Variants in FUNDC2 observed in about 807,000 individuals in gnomAD.
The protein encoded by FUNDC2 is FUN14 domain containing 2.
FUNDC2 carries 4 observed loss-of-function variants against 15.6 expected under a neutral mutation model. The ratio of observed to expected loss-of-function variants is 0.26; its 90% CI spans 0.13 to 0.59. The LOEUF (loss-of-function observed/expected upper bound fraction) is 0.59, where lower values mean the gene tolerates loss of function less well. Ranked by LOEUF, FUNDC2 falls within the 20% of genes least tolerant of loss-of-function variation. FUNDC2 has a pLI of 0.90. For missense variants in FUNDC2, 98 were observed against 149.7 expected, an observed-to-expected ratio of 0.65 and a Z score of 1.80; for synonymous variants, 44 against 56.9, an observed-to-expected ratio of 0.77 and a Z score of 1.02.
At chrX:155,031,770 G>C (rs1227889277) in intron 1 of FUNDC2, among the ~76,000 whole-genome samples, 2 of 112,246 alleles carry the variant, frequency 1.8e-5, no homozygotes, top group Non-Finnish European at 3.8e-5. Flanking sequence ...TTGATCATTT[G>C]AGGTCAATTT....
At chrX:155,034,034 A>G (rs782667070) in intron 2 of FUNDC2, among the ~76,000 whole-genome samples, 1 of 112,709 alleles carries the variant, frequency 8.9e-6, no homozygotes, top group South Asian at 3.6e-4. Flanking sequence ...GACTCTTTAC[A>G]TTTGAAAAAT....
chrX:155,038,576 T>A (rs2073838606), intron 2 of FUNDC2, among the ~76,000 whole-genome samples: 1 of 112,194 alleles, frequency 8.9e-6, no homozygotes, highest in Non-Finnish European at 1.9e-5. Flanking sequence ...TGACTTTTTT[T>A]AGATTCCACA....
At position 155,058,841 on chromosome X, in the gene FUNDC2, G is replaced by C. The variant is rs958725094; in HGVS notation, c.*4169G>C. ...TAATACTTTTTTTTTTAAAAGAAAA[G>C]TGTCGCACTTTTTCACATTTTTATA... On this transcript the variant is annotated 3_prime_UTR_variant, in exon 5 of 5. Coordinates refer to ENST00000369498, the MANE Select transcript of FUNDC2 (RefSeq NM_023934.4). 3.6e-5 allele frequency: 4 copies of C among 110,685 alleles called. No individual in the cohort carries two copies. Among genetic ancestry groups the C allele is most frequent in the African/African-American group, 1.3e-4 (4 of 30,404 alleles). The allele number at this position is 110,685 out of a possible 1,213,427, so 9.1% of individuals were successfully genotyped here.
chrX:155,049,190 C>T (rs2073872837), intron 3 of FUNDC2: 1 of 112,825 alleles, frequency 8.9e-6, no homozygotes, highest in African/African-American at 3.2e-5. Context: ...GGATGTTGAG[C>T]TTTGTCAGTA....
rs782392274 is a variant in FUNDC2, at chrX:155,058,712, T to C, written c.*4040T>C. The C allele has an allele frequency of 1.8e-5, 2 of 111,039 alleles. No individual in the cohort carries two copies. Among genetic ancestry groups the C allele is most frequent in the South Asian group, 3.8e-4 (1 of 2,602 alleles). 9.2% of individuals were successfully genotyped at this position (111,039 alleles called of 1,213,427 possible). Reference sequence around the variant, plus strand: ...AGAGGTCACACTAACATCTGAGTAATTGGGCAGAAAACCTATTTTAGTTCT... The same window carrying C: ...AGAGGTCACACTAACATCTGAGTAACTGGGCAGAAAACCTATTTTAGTTCT... On this transcript the variant is annotated 3_prime_UTR_variant, in exon 5 of 5. Transcript: ENST00000369498.
At chrX:155,028,563 C>T (rs1389527982) in intron 1 of FUNDC2, among the ~76,000 whole-genome samples, 1 of 112,135 alleles carries the variant, frequency 8.9e-6, no homozygotes, top group Non-Finnish European at 1.9e-5. Flanking sequence ...GCTAAATGGG[C>T]GTCTGTGATG....
intron 1 of FUNDC2, among the ~76,000 whole-genome samples, chrX:155,032,134 C>T (rs1007653569): frequency 9.1e-5 from 10 of 110,278 alleles, no homozygotes; most frequent in Non-Finnish European, 1.7e-4. Flanking sequence ...TGCCACCATG[C>T]CCAGCTAATT....
rs1224979432 is a variant in FUNDC2 at position 155,059,090 on chromosome X, G to C, written c.*4418G>C. ...CATCCTGAGGTTTTAAAGTGTCTTA[G>C]CTTTTTCTAATGAGCAGCAGAGACT... On this transcript the variant is annotated 3_prime_UTR_variant, in exon 5 of 5. Coordinates refer to ENST00000369498, the MANE Select transcript of FUNDC2 (RefSeq NM_023934.4). 4 of 111,916 alleles carry C rather than the reference G, an allele frequency of 3.6e-5. No homozygotes were observed. The highest frequency in any genetic ancestry group is 1.3e-4 in the African/African-American group (4 of 30,716). 9.2% of individuals were successfully genotyped at this position (111,916 alleles called of 1,213,427 possible).
chrX:155,042,502 G>T, intron 2 of FUNDC2, among the ~76,000 whole-genome samples: 1 of 110,501 alleles, frequency 9.0e-6, no homozygotes. Context: ...TGTTTCTTTT[G>T]CTTAGATTTC....
chrX:155,048,013 A>G (rs2073868297), intron 3 of FUNDC2, among the ~76,000 whole-genome samples: 2 of 111,081 alleles, frequency 1.8e-5, no homozygotes, highest in South Asian at 7.7e-4. Context: ...TAACATCTCT[A>G]TCCCTGTGGT....
chrX:155,029,238 C>T (rs2073806538), intron 1 of FUNDC2, among the ~76,000 whole-genome samples: 1 of 111,958 alleles, frequency 8.9e-6, no homozygotes, highest in Admixed American at 9.5e-5. Context: ...GTCTTCAGAC[C>T]CAGCCTGTAA....
chrX:155,041,991 C>T (rs782050408), intron 2 of FUNDC2, among the ~76,000 whole-genome samples: 28 of 104,038 alleles, frequency 2.7e-4, no homozygotes, highest in African/African-American at 9.9e-4. Context: ...ATGGCGTGAA[C>T]CCGGGAGGCA....
At chrX:155,046,621 C>T in intron 3 of FUNDC2, 37 bp downstream of exon 3, 1 of 1,062,912 alleles carries the variant, frequency 9.4e-7, no homozygotes, top group Non-Finnish European at 1.3e-6. Context: ...TTTGGAAATT[C>T]CACCTGCCCA....
rs2073898752 is a variant in FUNDC2, at chrX:155,056,564, A to G, written c.*1892A>G. 1 of 107,386 alleles carries G rather than the reference A, an allele frequency of 9.3e-6. No homozygotes were observed. Among genetic ancestry groups the G allele is most frequent in the African/African-American group, 3.4e-5 (1 of 29,163 alleles). The allele number at this position is 107,386 out of a possible 1,213,427, so 8.8% of individuals were successfully genotyped here. ...TTGCTATATATTTATATCTCTATATATATTGATATAGACATATGTAGTGAC... is the reference window on the plus strand; with the variant it reads ...TTGCTATATATTTATATCTCTATATGTATTGATATAGACATATGTAGTGAC... On this transcript the variant is annotated 3_prime_UTR_variant, in exon 5 of 5. Coordinates refer to ENST00000369498, the MANE Select transcript of FUNDC2 (RefSeq NM_023934.4).
rs1159749792 is a variant in FUNDC2 at position 155,056,516 on chromosome X, C to G, written c.*1844C>G. The G allele has an allele frequency of 4.2e-5, 4 of 95,036 alleles. No individual in the cohort carries two copies. The highest frequency in any genetic ancestry group is 8.2e-5 in the Non-Finnish European group (4 of 48,686). The allele number at this position is 95,036 out of a possible 1,213,427, so 7.8% of individuals were successfully genotyped here. On this transcript the variant is annotated 3_prime_UTR_variant, in exon 5 of 5. Coordinates refer to ENST00000369498, the MANE Select transcript of FUNDC2 (RefSeq NM_023934.4). The stretch of plus-strand genomic sequence containing the variant: ...GATAAGTCTCTTAACCTTATAGATC[C>G]TCCTCTATTTTTTTTTTTTTGCTTG...
rs184093304 is a variant in FUNDC2, at chrX:155,030,077, C to T, written c.133+3006C>T. Reference sequence around the variant, plus strand: ...ATTCAAATGACTTTTTAATATTGGTCTTATAATGTGTGACCTTGCTTCTGG... The same window carrying T: ...ATTCAAATGACTTTTTAATATTGGTTTTATAATGTGTGACCTTGCTTCTGG... On this transcript the variant is annotated intron_variant, in intron 1 of 4. Transcript: ENST00000369498. 5.2e-3 allele frequency among the ~76,000 whole-genome samples: 576 copies of T among 111,383 alleles called. 4 individuals are homozygous for T. The highest frequency in any genetic ancestry group is 9.2e-3 in the Non-Finnish European group (490 of 53,015).
chrX:155,038,884 T>C (rs2073839618), intron 2 of FUNDC2, among the ~76,000 whole-genome samples: 1 of 112,361 alleles, frequency 8.9e-6, no homozygotes, highest in Admixed American at 9.4e-5. Context: ...CTGAATCATA[T>C]GTTATTAGTT....
At chrX:155,045,927 C>T (rs782218071) in intron 2 of FUNDC2, among the ~76,000 whole-genome samples, 7 of 110,995 alleles carry the variant, frequency 6.3e-5, no homozygotes, top group Non-Finnish European at 1.1e-4. Flanking sequence ...GATGTTGCCA[C>T]TCAGATATCA....
intron 3 of FUNDC2, chrX:155,049,471 ACT>A (rs1384386423): frequency 8.9e-6 from 1 of 112,976 alleles, no homozygotes; most frequent in African/African-American, 3.2e-5. Flanking sequence ...AGTATGACAC[ACT>A]GTCTTGACTA....
Sources: allele counts gnomAD v4.1 joint callset (sites outside exome capture counted in the v4.1 genomes callset), GRCh38; gene constraint gnomAD v4.1.1; transcripts MANE v1.5; gene names NCBI Gene and HGNC (gene_info 2026-07-23, HGNC 2026-07-21).